OR5H14: variants seen among roughly 807,000 people sequenced by gnomAD.
OR5H14 encodes olfactory receptor 5H14.
For missense variants in OR5H14, 392 were observed against 363.9 expected (o/e 1.08, Z -0.63); for synonymous variants, 155 against 130.6 (o/e 1.19, Z -1.28).
rs1039913720 is a variant in OR5H14 at position 98,150,417 on chromosome 3, A to T, written c.*99A>T. ...GCCAGCATTAAAAGATTTTGCAATT[A>T]TAACTGTCCTAGCGCTTTAATGACC... On this transcript the variant is annotated 3_prime_UTR_variant, in exon 2 of 2. Transcript: ENST00000641380. 1.1e-5 allele frequency: 8 copies of T among 730,292 alleles called. No homozygotes were observed. The Middle Eastern group carries it at 9.8e-4, about 90-fold the overall frequency. 45.2% of individuals were successfully genotyped at this position (730,292 alleles called of 1,614,324 possible).
rs1460416911 is a variant in OR5H14 at position 98,154,761 on chromosome 3, C to T, written c.*4443C>T. The T allele has an allele frequency of 6.6e-6, 1 of 152,218 alleles. No individual in the cohort carries two copies. The highest frequency in any genetic ancestry group is 2.4e-5 in the African/African-American group (1 of 41,466). 9.4% of individuals were successfully genotyped at this position (152,218 alleles called of 1,614,324 possible). A position where few individuals can be genotyped will look rare whatever the true frequency, so the allele number is the denominator to read the frequency against. On this transcript the variant is annotated 3_prime_UTR_variant, in exon 2 of 2. Transcript: ENST00000641380. Reference sequence around the variant, plus strand: ...GAAAATCAGGCAGTGCTTCTAATCTCCAAGCTGCCCTTCTTCATTCCTGAG... The same window carrying T: ...GAAAATCAGGCAGTGCTTCTAATCTTCAAGCTGCCCTTCTTCATTCCTGAG...
Position 98,149,543 on chromosome 3 carries a change from C to G in OR5H14, c.158C>G (p.Pro53Arg). ...LGLIAVIWKD[P>R]HLHIPMYLLL... The stretch of plus-strand genomic sequence containing the variant: ...CTGATTGCTGTCATCTGGAAAGACC[C>G]TCATCTTCATATCCCAATGTACTTA... Residue 53 changes from proline to arginine, a missense_variant, in exon 2 of 2, where the codon CCT becomes CGT. Transcript: ENST00000641380. 1 of 1,613,488 alleles carries G rather than the reference C, an allele frequency of 6.2e-7. No homozygotes were observed. Among genetic ancestry groups the G allele is most frequent in the Non-Finnish European group, 8.5e-7 (1 of 1,179,572 alleles).
In OR5H14 at chr3:98,149,908, C is replaced by T. The variant is rs144438930; in HGVS notation, c.523C>T (p.Gln175Ter). Residue 175 changes from glutamine to a stop codon, truncating the protein, a stop_gained, in exon 2 of 2, where the codon CAA becomes TAA. Transcript: ENST00000641380. LOFTEE classifies it low-confidence loss of function (END_TRUNC). The part of the protein sequence containing the change: ...RLTFCNSNII[Q>*]HFYCDIIPLL... ...AACCTTCTGTAACTCCAACATAATA[C>T]AACACTTTTACTGTGACATTATCCC... 42 of 1,613,426 alleles carry T rather than the reference C, an allele frequency of 2.6e-5. No individual in the cohort carries two copies. The Admixed American group carries it at 5.5e-4, about 21-fold the overall frequency.
chr3:98,151,731 C>T lies in OR5H14; in HGVS notation c.*1413C>T, dbSNP rs4857333. ...AATGCGGAAGTACGTTAAAAAGAAACTTTTTTGGCTAAAGTGGAGCAGTAG... is the reference window on the plus strand; with the variant it reads ...AATGCGGAAGTACGTTAAAAAGAAATTTTTTTGGCTAAAGTGGAGCAGTAG... On this transcript the variant is annotated 3_prime_UTR_variant, in exon 2 of 2. Transcript: ENST00000641380. 92,635 of 151,538 alleles carry T rather than the reference C, an allele frequency of 0.61. 29,279 individuals carry two copies. The highest frequency in any genetic ancestry group is 0.79 in the African/African-American group (32,606 of 41,316). 9.4% of individuals were successfully genotyped at this position (151,538 alleles called of 1,614,324 possible). A position where few individuals can be genotyped will look rare whatever the true frequency, so the allele number is the denominator to read the frequency against.
rs1268333511 is a variant in OR5H14 at position 98,154,669 on chromosome 3, C to T, written c.*4351C>T. On this transcript the variant is annotated 3_prime_UTR_variant, in exon 2 of 2. Coordinates refer to ENST00000641380, the MANE Select transcript of OR5H14 (RefSeq NM_001005514.2). ...ATGATAGAATGAAATATAGTTGAAA[C>T]CACCTTTGCAAAAATGATGACAGAA... 2 of 152,204 alleles carry T rather than the reference C, an allele frequency of 1.3e-5. No homozygotes were observed. Among genetic ancestry groups the T allele is most frequent in the Non-Finnish European group, 2.9e-5 (2 of 68,038 alleles). The allele number at this position is 152,204 out of a possible 1,614,324, so 9.4% of individuals were successfully genotyped here. A position where few individuals can be genotyped will look rare whatever the true frequency, so the allele number is the denominator to read the frequency against.
rs917182258 is a variant in OR5H14 at position 98,150,251 on chromosome 3, T to C, written c.866T>C (p.Ile289Thr). ...TVIVPLLNPM[I>T]YSLRNKQVIA... ...ATAGTTCCTTTATTAAATCCCATGA[T>C]CTACAGCCTGAGAAACAAGCAAGTA... Residue 289 changes from isoleucine (I) to threonine (T), a missense_variant, in exon 2 of 2, where the codon ATC becomes ACC. Physicochemically the swap from Ile to Thr is moderately conservative, Grantham distance 89. Transcript: ENST00000641380. 8 of 1,606,312 alleles carry C rather than the reference T, an allele frequency of 5.0e-6. No homozygotes were observed. Among genetic ancestry groups the C allele is most frequent in the Middle Eastern group, 1.7e-4 (1 of 6,026 alleles).
At position 98,149,697 on chromosome 3, in the gene OR5H14, T is replaced by C; in HGVS notation, c.312T>C (p.Phe104=). 1 of 1,613,324 alleles carries C rather than the reference T, an allele frequency of 6.2e-7. No individual in the cohort carries two copies. The highest frequency in any genetic ancestry group is 8.5e-7 in the Non-Finnish European group (1 of 1,179,648). The change falls in exon 2 of 2, where the codon TTT becomes TTC. Residue 104 remains phenylalanine (F), a synonymous_variant. Transcript: ENST00000641380. ...LSECKIQLFS[F]AISVTTECFL... ...AATGCAAGATACAGTTGTTTTCGTT[T>C]GCAATCAGTGTAACCACGGAATGTT...
Position 98,150,558 on chromosome 3 carries a change from A to C in OR5H14, c.*240A>C. 3.0e-6 allele frequency: 1 copy of C among 338,404 alleles called. No homozygotes were observed. The highest frequency in any genetic ancestry group is 5.4e-6 in the Non-Finnish European group (1 of 186,478). 21.0% of individuals were successfully genotyped at this position (338,404 alleles called of 1,614,324 possible). On this transcript the variant is annotated 3_prime_UTR_variant, in exon 2 of 2. Coordinates refer to ENST00000641380, the MANE Select transcript of OR5H14 (RefSeq NM_001005514.2). ...AATGATAGCAGAAGCAAATAAAAAT[A>C]TTGTACAGTATGGTATGTTAATCAC...
chr3:98,149,343 T>G, intron 1 of OR5H14, 25 bp from the exon 2 acceptor site: 1 of 1,601,790 alleles, frequency 6.2e-7, no homozygotes, highest in Non-Finnish European at 8.5e-7. Flanking sequence ...AGATGTTCCC[T>G]TTCATTTGTT....
At position 98,149,248 on chromosome 3, in the gene OR5H14, A is replaced by G; in HGVS notation, c.-18-120A>G. The G allele has an allele frequency of 6.6e-6, 7 of 1,057,022 alleles. 1 individual carries two copies. The highest frequency in any genetic ancestry group is 6.6e-5 in the South Asian group (4 of 60,832). 65.5% of individuals were successfully genotyped at this position (1,057,022 alleles called of 1,614,324 possible). ...ACCCCTTATAGGATTTCTTATTTATAATAATGATCAAAAAATTGAGTCTCT... is the reference window on the plus strand; with the variant it reads ...ACCCCTTATAGGATTTCTTATTTATGATAATGATCAAAAAATTGAGTCTCT... On this transcript the variant is annotated intron_variant, in intron 1 of 1. Transcript: ENST00000641380.
chr3:98,154,639 A>G lies in OR5H14; in HGVS notation c.*4321A>G, dbSNP rs4997987. The G allele has an allele frequency of 0.18, 26,642 of 149,368 alleles. No homozygotes were observed. Among genetic ancestry groups the G allele is most frequent in the East Asian group, 0.37 (1,863 of 5,048 alleles). The allele number at this position is 149,368 out of a possible 1,614,324, so 9.3% of individuals were successfully genotyped here. On this transcript the variant is annotated 3_prime_UTR_variant, in exon 2 of 2. Transcript: ENST00000641380. ...CTTAGTAGATGCAGAGTGACAAGAT[A>G]GAGTATGATAGAATGAAATATAGTT...
rs565076821 is a variant in OR5H14, at chr3:98,151,153, A to T, written c.*835A>T. 1 of 152,246 alleles carries T rather than the reference A, an allele frequency of 6.6e-6. No homozygotes were observed. The highest frequency in any genetic ancestry group is 2.1e-4 in the South Asian group (1 of 4,822). The allele number at this position is 152,246 out of a possible 1,614,324, so 9.4% of individuals were successfully genotyped here. On this transcript the variant is annotated 3_prime_UTR_variant, in exon 2 of 2. Transcript: ENST00000641380. ...AATGGTCTTAATCTTCCCAGAAAAA[A>T]AGATGAAACTACTAAGATTTTAAAA... is the stretch of plus-strand genomic sequence containing the variant.
rs139521063 is a variant in OR5H14, at chr3:98,149,652, T to C, written c.267T>C (p.Ser89=). ...TGCTGATCAACTTCTTAGCTAAGAGTAAGATGATATCTCTCTCTGAATGCA... is the reference window on the plus strand; with the variant it reads ...TGCTGATCAACTTCTTAGCTAAGAGCAAGATGATATCTCTCTCTGAATGCA... The part of the protein sequence containing the change: ...LKMLINFLAK[S]KMISLSECKI... The change falls in exon 2 of 2, where the codon AGT becomes AGC. Residue 89 remains serine (S), a synonymous_variant. Transcript: ENST00000641380. 7.1e-5 allele frequency: 114 copies of C among 1,613,412 alleles called. No individual in the cohort carries two copies. Among genetic ancestry groups the C allele is most frequent in the Non-Finnish European group, 9.0e-5 (106 of 1,179,602 alleles).
In OR5H14 at chr3:98,152,805, A is replaced by G. The variant is rs946502995; in HGVS notation, c.*2487A>G. The G allele has an allele frequency of 1.3e-5, 2 of 152,182 alleles. No individual in the cohort carries two copies. The highest frequency in any genetic ancestry group is 4.8e-5 in the African/African-American group (2 of 41,446). The allele number at this position is 152,182 out of a possible 1,614,324, so 9.4% of individuals were successfully genotyped here. On this transcript the variant is annotated 3_prime_UTR_variant, in exon 2 of 2. Coordinates refer to ENST00000641380, the MANE Select transcript of OR5H14 (RefSeq NM_001005514.2). ...CATGTATCCCAGAACTTAAAGTATA[A>G]AGAAGAAAAAAGTTAACATTTTCTT...
rs148429621 is a variant in OR5H14, at chr3:98,149,910, A to G, written c.525A>G (p.Gln175=). ...CCTTCTGTAACTCCAACATAATACA[A>G]CACTTTTACTGTGACATTATCCCAT... ...RLTFCNSNII[Q]HFYCDIIPLL... Residue 175 remains glutamine, a synonymous_variant, in exon 2 of 2, where the codon CAA becomes CAG. Coordinates refer to ENST00000641380, the MANE Select transcript of OR5H14 (RefSeq NM_001005514.2). The G allele has an allele frequency of 7.9e-5, 128 of 1,611,956 alleles. 5 individuals carry two copies. In the African/African-American group the frequency reaches 1.6e-3, roughly 20 times the overall value.
rs1349431066 is a variant in OR5H14 at position 98,156,050 on chromosome 3, T to C, written c.*5732T>C. 6.6e-6 allele frequency: 1 copy of C among 152,196 alleles called. No homozygotes were observed. Among genetic ancestry groups the C allele is most frequent in the Non-Finnish European group, 1.5e-5 (1 of 68,022 alleles). 9.4% of individuals were successfully genotyped at this position (152,196 alleles called of 1,614,324 possible). ...CAGGGGAATTTCAGTTCTCTGACTT[T>C]TTCTCTCCTGGTCAAAACGGAGATA... On this transcript the variant is annotated 3_prime_UTR_variant, in exon 2 of 2. Transcript: ENST00000641380.
In OR5H14 at chr3:98,151,097, A is replaced by C. The variant is rs1490503644; in HGVS notation, c.*779A>C. The C allele has an allele frequency of 2.0e-5, 3 of 152,182 alleles. No homozygotes were observed. The highest frequency in any genetic ancestry group is 4.4e-5 in the Non-Finnish European group (3 of 68,028). 9.4% of individuals were successfully genotyped at this position (152,182 alleles called of 1,614,324 possible). On this transcript the variant is annotated 3_prime_UTR_variant, in exon 2 of 2. Transcript: ENST00000641380. ...GAACTTAGTTTAAAGTGGGGATAGA[A>C]AAGAAAAGATAAATGGCATAGTGGG...
rs1402765797 is a variant in OR5H14, at chr3:98,156,515, A to G, written c.*6197A>G. The G allele has an allele frequency of 1.3e-5, 2 of 152,256 alleles. No individual in the cohort carries two copies. Among genetic ancestry groups the G allele is most frequent in the African/African-American group, 4.8e-5 (2 of 41,578 alleles). 9.4% of individuals were successfully genotyped at this position (152,256 alleles called of 1,614,324 possible). On this transcript the variant is annotated 3_prime_UTR_variant, in exon 2 of 2. Transcript: ENST00000641380. ...TTGTTAACCTGACTATAATGATGTT[A>G]TAAGTTCTGGCTAATTAGAAGCTTA...
rs915056336 is a variant in OR5H14, at chr3:98,152,755, A to C, written c.*2437A>C. 2.6e-5 allele frequency: 4 copies of C among 152,240 alleles called. No individual in the cohort carries two copies. The highest frequency in any genetic ancestry group is 3.4e-3 in the Middle Eastern group (1 of 294). The allele number at this position is 152,240 out of a possible 1,614,324, so 9.4% of individuals were successfully genotyped here. ...TGGGTGTAGCAAAACGCCATGGCAC[A>C]TGTGTACCTATGTAACAACCTGCAC... On this transcript the variant is annotated 3_prime_UTR_variant, in exon 2 of 2. Coordinates refer to ENST00000641380, the MANE Select transcript of OR5H14 (RefSeq NM_001005514.2).
Sources: gnomAD v4.1 joint callset for allele counts on GRCh38, gnomAD v4.1.1 for gene constraint, MANE v1.5 for transcripts, NCBI Gene and HGNC (gene_info 2026-07-23, HGNC 2026-07-21) for gene names.